The following PTPRK variants were observed in gnomAD, a reference collection of about 807,000 sequenced individuals.
PTPRK encodes the protein receptor-type tyrosine-protein phosphatase kappa.
In PTPRK, 75 loss-of-function variants were observed where a neutral mutation model predicts 178.0. The observed-to-expected ratio is 0.42, with a 90% CI of 0.35 to 0.51. The LOEUF is 0.51. Among genes scored for constraint, PTPRK ranks in the 20% least tolerant of loss-of-function variants. The pLI, the probability that PTPRK is intolerant of heterozygous loss-of-function variation, is 0.02. For missense variants in PTPRK, 1,441 were observed against 1,797.8 expected (o/e 0.80, Z 3.59); for synonymous variants, 637 against 620.6 (o/e 1.03, Z -0.39).
At chr6:128,365,228 C>G (rs1203334235) in intron 2 of PTPRK, among the ~76,000 whole-genome samples, 3 of 151,978 alleles carry the variant, frequency 2.0e-5, no homozygotes, top group Admixed American at 6.6e-5. Flanking sequence ...AGGCCAAATT[C>G]AGGCTTTTGT....
intron 1 of PTPRK, among the ~76,000 whole-genome samples, chr6:128,446,047 G>T (rs896053008): frequency 7.1e-6 from 1 of 141,408 alleles, no homozygotes; most frequent in Non-Finnish European, 1.6e-5. Flanking sequence ...AAGAGAAAAA[G>T]AAAAAAAAAA....
chr6:128,048,416 G>C (rs907056566), intron 13 of PTPRK, among the ~76,000 whole-genome samples: 2 of 152,130 alleles, frequency 1.3e-5, no homozygotes, highest in Non-Finnish European at 2.9e-5. Flanking sequence ...TTCTCCTCAA[G>C]GTTCCGCATA....
chr6:128,380,348 T>C (rs1317663704), intron 2 of PTPRK, among the ~76,000 whole-genome samples: 1 of 152,058 alleles, frequency 6.6e-6, no homozygotes, highest in Admixed American at 6.6e-5. Flanking sequence ...CAGCACAAGA[T>C]ACCAGACTTG....
At chr6:128,030,851 T>C (rs1363561551) in intron 13 of PTPRK, among the ~76,000 whole-genome samples, 1 of 152,214 alleles carries the variant, frequency 6.6e-6, no homozygotes, top group Admixed American at 6.5e-5. Context: ...CTACAGCCTA[T>C]ACTAAACTTT....
intron 2 of PTPRK, among the ~76,000 whole-genome samples, chr6:128,395,681 A>T (rs998575825): frequency 5.9e-5 from 9 of 152,196 alleles, no homozygotes; most frequent in African/African-American, 1.7e-4. Context: ...ATAAGGTTAC[A>T]TACCTTTGAA....
At position 128,444,009 on chromosome 6, in the gene PTPRK, C is replaced by T. The variant is rs551733000; in HGVS notation, c.101-46321G>A. Reference sequence around the variant, plus strand: ...CTGGGACTACAGGCACGTGCCACCACACCTGGCTAATTTTTGTACTTTTTG... The same window carrying T: ...CTGGGACTACAGGCACGTGCCACCATACCTGGCTAATTTTTGTACTTTTTG... On this transcript the variant is annotated intron_variant, in intron 1 of 29. Transcript: ENST00000368226. Among the ~76,000 whole-genome samples, 19 of 152,254 alleles carry T rather than the reference C, an allele frequency of 1.2e-4. 1 individual carries two copies. The South Asian group carries it at 3.7e-3, about 30-fold the overall frequency.
chr6:128,505,899 T>G (rs1856262199), intron 1 of PTPRK, among the ~76,000 whole-genome samples: 2 of 152,186 alleles, frequency 1.3e-5, no homozygotes, highest in Admixed American at 1.3e-4. Flanking sequence ...CTAAGTGGCT[T>G]TACCCAGAGA....
At chr6:128,163,285 CT>C (rs1798939889) in intron 7 of PTPRK, among the ~76,000 whole-genome samples, 1 of 150,788 alleles carries the variant, frequency 6.6e-6, no homozygotes, top group Non-Finnish European at 1.5e-5. Flanking sequence ...GCACAGTGCA[CT>C]GAAAATAATA....
intron 1 of PTPRK, among the ~76,000 whole-genome samples, chr6:128,420,644 T>C (rs17055850): frequency 6.6e-6 from 1 of 152,116 alleles, no homozygotes; most frequent in African/African-American, 2.4e-5. Context: ...TGTGAGCATT[T>C]AGAGAGCAGC....
At chr6:128,297,659 G>A (rs1275819627) in intron 3 of PTPRK, among the ~76,000 whole-genome samples, 1 of 152,152 alleles carries the variant, frequency 6.6e-6, no homozygotes, top group Admixed American at 6.6e-5. Context: ...CAGAAATAAA[G>A]ATGTTCTTTG....
intron 13 of PTPRK, among the ~76,000 whole-genome samples, chr6:128,031,558 T>C (rs529677452): frequency 4.7e-4 from 72 of 152,320 alleles, no homozygotes; most frequent in Non-Finnish European, 9.0e-4. Flanking sequence ...GAACAGACTA[T>C]GGTAATTATC....
At chr6:128,212,154 C>A (rs557854309) in intron 6 of PTPRK, among the ~76,000 whole-genome samples, 2 of 152,072 alleles carry the variant, frequency 1.3e-5, no homozygotes, top group South Asian at 4.1e-4. Flanking sequence ...AGTCAAAATT[C>A]TGTGTCATGA....
At chr6:128,009,700 C>T (rs540459637) in intron 13 of PTPRK, among the ~76,000 whole-genome samples, 1 of 151,196 alleles carries the variant, frequency 6.6e-6, no homozygotes, top group Non-Finnish European at 1.5e-5. Context: ...TGGTACTTGT[C>T]TGGGACAGAA....
intron 7 of PTPRK, among the ~76,000 whole-genome samples, chr6:128,100,148 C>A (rs1218052351): frequency 3.3e-5 from 5 of 151,874 alleles, no homozygotes; most frequent in South Asian, 2.1e-4. Flanking sequence ...GCAAATAAAC[C>A]TGCCTTAGAC....
intron 2 of PTPRK, among the ~76,000 whole-genome samples, chr6:128,343,446 G>C (rs1198480031): frequency 6.7e-6 from 1 of 148,848 alleles, no homozygotes; most frequent in East Asian, 2.0e-4. Flanking sequence ...GTTGCAGTGA[G>C]CCAAGATCGC....
At chr6:128,275,393 TTATC>T (rs1820561835) in intron 3 of PTPRK, among the ~76,000 whole-genome samples, 1 of 152,088 alleles carries the variant, frequency 6.6e-6, no homozygotes. Context: ...TTTTGTTTAT[TTATC>T]TATTTATAAC....
chr6:128,458,689 C>G (rs1391827641), intron 1 of PTPRK, among the ~76,000 whole-genome samples: 1 of 152,126 alleles, frequency 6.6e-6, no homozygotes, highest in Non-Finnish European at 1.5e-5. Flanking sequence ...TGAATTAAGT[C>G]ATGATGTTGT....
chr6:128,001,539 CTA>C (rs1383414748), intron 15 of PTPRK, among the ~76,000 whole-genome samples: 4 of 151,860 alleles, frequency 2.6e-5, no homozygotes, highest in Admixed American at 1.3e-4. Flanking sequence ...CTTTATGACT[CTA>C]TTGTGTTAAA....
intron 3 of PTPRK, among the ~76,000 whole-genome samples, chr6:128,294,748 T>C (rs1823992012): frequency 6.6e-6 from 1 of 152,128 alleles, no homozygotes; most frequent in Admixed American, 6.6e-5. Flanking sequence ...TTTGCTTTTT[T>C]ATCCACTTAA....
Sources: gnomAD v4.1 joint callset for allele counts (sites outside exome capture counted in the v4.1 genomes callset) on GRCh38, gnomAD v4.1.1 for gene constraint, MANE v1.5 for transcripts, NCBI Gene and HGNC (gene_info 2026-07-23, HGNC 2026-07-21) for gene names.